Variants in TCAIM observed in about 807,000 individuals in gnomAD.
The protein encoded by TCAIM is T cell activation inhibitor, mitochondrial, also known as T-cell activation inhibitor, mitochondrial.
TCAIM carries 36 observed loss-of-function variants against 58.6 expected under a neutral mutation model. The ratio of observed to expected loss-of-function variants is 0.61; its 90% CI spans 0.47 to 0.81. The LOEUF is 0.81. Among genes scored for constraint, TCAIM ranks in the 30% least tolerant of loss-of-function variants. TCAIM has a pLI of 0.00. For synonymous variants in TCAIM, 172 were observed against 193.6 expected (o/e 0.89, Z 0.93); for missense variants, 466 against 579.6 (o/e 0.80, Z 2.01).
Position 44,375,015 on chromosome 3 carries a change from A to C in TCAIM, c.572+7307A>C, listed in dbSNP as rs558071347. ...AAAGCATCATGACCCTAGGAACCGAACCAAATGATTTCACAGTCCAGCATT... is the reference window on the plus strand; with the variant it reads ...AAAGCATCATGACCCTAGGAACCGACCCAAATGATTTCACAGTCCAGCATT... On this transcript the variant is annotated intron_variant, in intron 5 of 10. Transcript: ENST00000342649. Among the ~76,000 whole-genome samples the C allele has an allele frequency of 5.1e-4, 77 of 152,294 alleles. No homozygotes were observed. In the South Asian group the frequency reaches 0.015, roughly 30 times the overall value.
chr3:44,357,057 A>T (rs995638919), intron 2 of TCAIM, among the ~76,000 whole-genome samples: 1 of 152,138 alleles, frequency 6.6e-6, no homozygotes, highest in Non-Finnish European at 1.5e-5. Context: ...ATGAACTAAA[A>T]GACATCTGTA....
intron 5 of TCAIM, among the ~76,000 whole-genome samples, chr3:44,376,770 A>C (rs1341981167): frequency 6.6e-6 from 1 of 152,194 alleles, no homozygotes; most frequent in Non-Finnish European, 1.5e-5. Flanking sequence ...TTTCCAAAAG[A>C]CAAATACTGG....
chr3:44,340,069 G>C (rs1700825501), intron 1 of TCAIM: 2 of 152,200 alleles, frequency 1.3e-5, no homozygotes, highest in Non-Finnish European at 2.9e-5. Context: ...ACCTATGTAA[G>C]AATTTATCTG....
chr3:44,396,822 C>T lies in TCAIM; in HGVS notation c.873C>T (p.His291=), dbSNP rs570133417. The stretch of plus-strand genomic sequence containing the variant: ...TGCTAGGAACAATGGATGTCCATCA[C>T]CACTGGACAAAAGTAAGAAAGAGCC... ...HVMLGTMDVH[H]HWTKLFERLP... Residue 291 remains histidine, a synonymous_variant, in exon 8 of 11, where the codon CAC becomes CAT. Transcript: ENST00000342649. 6.2e-7 allele frequency: 1 copy of T among 1,613,668 alleles called. No homozygotes were observed. Among genetic ancestry groups the T allele is most frequent in the Admixed American group, 1.7e-5 (1 of 59,988 alleles).
At chr3:44,388,132 G>T (rs1701774240) in intron 5 of TCAIM, among the ~76,000 whole-genome samples, 1 of 151,616 alleles carries the variant, frequency 6.6e-6, no homozygotes, top group Admixed American at 6.6e-5. Flanking sequence ...TAAATACCTA[G>T]GTTGTACTTT....
At chr3:44,404,355 ATT>A (rs1237532275) in intron 10 of TCAIM, among the ~76,000 whole-genome samples, 3 of 152,088 alleles carry the variant, frequency 2.0e-5, no homozygotes, top group African/African-American at 7.2e-5. Context: ...ACTTCAGTCT[ATT>A]TTGTTCCCTC....
chr3:44,377,124 C>G (rs112750316), intron 5 of TCAIM, among the ~76,000 whole-genome samples: 9 of 152,000 alleles, frequency 5.9e-5, no homozygotes, highest in African/African-American at 2.2e-4. Flanking sequence ...ACACATGATT[C>G]AACTATATGC....
chr3:44,374,140 T>G (rs1022343187), intron 5 of TCAIM, among the ~76,000 whole-genome samples: 2 of 152,202 alleles, frequency 1.3e-5, no homozygotes, highest in African/African-American at 4.8e-5. Context: ...ATAAAATGTT[T>G]GGGATTTGAT....
intron 8 of TCAIM, among the ~76,000 whole-genome samples, chr3:44,399,634 T>C (rs1701991606): frequency 1.3e-5 from 2 of 152,186 alleles, no homozygotes; most frequent in South Asian, 4.1e-4. Context: ...CTTTTCATGG[T>C]TCCATATTTG....
At chr3:44,364,259 A>C (rs1460548791) in intron 4 of TCAIM, among the ~76,000 whole-genome samples, 1 of 152,074 alleles carries the variant, frequency 6.6e-6, no homozygotes, top group Non-Finnish European at 1.5e-5. Context: ...AAAAATGTAA[A>C]AGGTTACAGA....
At chr3:44,396,597 T>C in intron 7 of TCAIM, 100 bp downstream of exon 7, 1 of 1,438,414 alleles carries the variant, frequency 7.0e-7, no homozygotes, top group Non-Finnish European at 9.5e-7. Flanking sequence ...GCTGAACTTT[T>C]AAATCTGTTC....
intron 5 of TCAIM, among the ~76,000 whole-genome samples, chr3:44,380,715 A>G (rs933666421): frequency 7.9e-5 from 12 of 152,154 alleles, no homozygotes; most frequent in Non-Finnish European, 1.3e-4. Context: ...AAAATCAACA[A>G]AACCAAAACT....
chr3:44,377,766 C>T (rs201682162), intron 5 of TCAIM, among the ~76,000 whole-genome samples: 1 of 152,116 alleles, frequency 6.6e-6, no homozygotes, highest in East Asian at 1.9e-4. Flanking sequence ...TCTTAACCAG[C>T]AGATCAAAGA....
chr3:44,361,462 A>C lies in TCAIM; in HGVS notation c.263A>C (p.Tyr88Ser). 6.2e-7 allele frequency: 1 copy of C among 1,612,724 alleles called. No homozygotes were observed. Among genetic ancestry groups the C allele is most frequent in the Non-Finnish European group, 8.5e-7 (1 of 1,179,438 alleles). Reference protein sequence around the residue: ...KSLKPTQLTFYVRETDQSSSD... With the variant: ...KSLKPTQLTFSVRETDQSSSD... Reference sequence around the variant, plus strand: ...TTGAAACCAACTCAGCTTACATTTTATGTAAGAGAAACAGACCAGAGTTCC... The same window carrying C: ...TTGAAACCAACTCAGCTTACATTTTCTGTAAGAGAAACAGACCAGAGTTCC... The change falls in exon 4 of 11, where the codon TAT (tyrosine) becomes TCT (serine). Residue 88 changes from tyrosine to serine, a missense_variant. Tyr to Ser is a moderately radical substitution (Grantham distance 144). Transcript: ENST00000342649.
intron 1 of TCAIM, among the ~76,000 whole-genome samples, chr3:44,344,106 C>T (rs1368319758): frequency 6.7e-6 from 1 of 150,252 alleles, no homozygotes; most frequent in African/African-American, 2.5e-5. Context: ...ACTGCAAACT[C>T]CACCTCCCAG....
chr3:44,390,249 T>C (rs1701812939), intron 5 of TCAIM, among the ~76,000 whole-genome samples: 1 of 152,204 alleles, frequency 6.6e-6, no homozygotes, highest in Non-Finnish European at 1.5e-5. Flanking sequence ...TTTTAAATGC[T>C]TTAGATCACA....
chr3:44,339,537 T>G (rs1046203411), intron 1 of TCAIM: 1 of 152,254 alleles, frequency 6.6e-6, no homozygotes, highest in African/African-American at 2.4e-5. Flanking sequence ...TGCACAGATT[T>G]AATGCCTCAC....
At chr3:44,385,380 CTTAT>C (rs1277836465) in intron 5 of TCAIM, among the ~76,000 whole-genome samples, 3 of 152,116 alleles carry the variant, frequency 2.0e-5, no homozygotes, top group Non-Finnish European at 2.9e-5. Context: ...GATCCATATA[CTTAT>C]TTAAATTGTT....
chr3:44,367,416 AT>A (rs764243200), intron 4 of TCAIM, 39 bp from the exon 5 acceptor site: 19 of 1,539,696 alleles, frequency 1.2e-5, no homozygotes, highest in Non-Finnish European at 1.7e-5. Context: ...AAAGCAAATA[AT>A]CATCTGTATT....
Sources: allele counts gnomAD v4.1 joint callset (sites outside exome capture counted in the v4.1 genomes callset), GRCh38; gene constraint gnomAD v4.1.1; transcripts MANE v1.5; gene names NCBI Gene and HGNC (gene_info 2026-07-23, HGNC 2026-07-21).